INTS6L: variants seen among roughly 807,000 people sequenced by gnomAD.
INTS6L encodes integrator complex subunit 6 like.
A neutral mutation model predicts 64.7 loss-of-function variants in INTS6L; 18 were observed. That is an observed-to-expected ratio of 0.28 (90% confidence interval 0.19 to 0.41). The LOEUF is 0.41. Ranked by LOEUF, INTS6L falls within the 10% of genes least tolerant of loss-of-function variation. The pLI is 1.00. For missense variants in INTS6L, 533 were observed against 661.0 expected (o/e 0.81, Z 2.12); for synonymous variants, 227 against 235.9 (o/e 0.96, Z 0.34).
intron 2 of INTS6L, among the ~76,000 whole-genome samples, chrX:135,522,187 G>A (rs1182752880): frequency 8.9e-6 from 1 of 112,177 alleles, no homozygotes; most frequent in Admixed American, 9.4e-5. Context: ...ACACGGAGGG[G>A]GACGTGCCAA....
chrX:135,546,964 T>C (rs2086373848), intron 5 of INTS6L, 79 bp downstream of exon 5: 1 of 1,131,168 alleles, frequency 8.8e-7, no homozygotes, highest in Non-Finnish European at 1.2e-6. Flanking sequence ...ATATCCAGTC[T>C]TTACTTGTTT....
intron 15 of INTS6L, 123 bp downstream of exon 15, chrX:135,577,550 T>C: frequency 4.4e-6 from 3 of 675,187 alleles, no homozygotes; most frequent in Non-Finnish European, 6.6e-6. Context: ...AAGCCATTAC[T>C]AAATCATCTA....
intron 2 of INTS6L, among the ~76,000 whole-genome samples, chrX:135,539,654 A>T (rs1202837782): frequency 8.9e-6 from 1 of 112,247 alleles, no homozygotes; most frequent in Admixed American, 9.4e-5. Context: ...TGCCTTCCTC[A>T]CTAAGTTTAA....
chrX:135,569,493 GT>G, intron 10 of INTS6L, 62 bp downstream of exon 10: 1 of 743,748 alleles, frequency 1.3e-6, no homozygotes, highest in Non-Finnish European at 1.9e-6. Flanking sequence ...CACAAGAAAT[GT>G]TAGTGATCAA....
intron 9 of INTS6L, among the ~76,000 whole-genome samples, chrX:135,557,818 T>C (rs1302757360): frequency 8.9e-6 from 1 of 112,053 alleles, no homozygotes; most frequent in Non-Finnish European, 1.9e-5. Context: ...TAAAAGCTTG[T>C]GCATCAAGGG....
At chrX:135,558,876 C>T (rs1392810099) in intron 9 of INTS6L, among the ~76,000 whole-genome samples, 2 of 107,134 alleles carry the variant, frequency 1.9e-5, no homozygotes, top group Non-Finnish European at 3.9e-5. Context: ...ACCTCCACCT[C>T]CCAGGTTCAA....
At position 135,573,032 on chromosome X, in the gene INTS6L, A is replaced by C. The variant is rs1456433208; in HGVS notation, c.1616A>C (p.Lys539Thr). 8.4e-7 allele frequency: 1 copy of C among 1,189,261 alleles called. No homozygotes were observed. The highest frequency in any genetic ancestry group is 1.8e-5 in the South Asian group (1 of 55,575). ...GGCTTCCAAATTGGGCTCTTAAACA[A>C]GGTAAATTGTGACATAAATAGTTTG... ...FAGFQIGLLN[K>T]DLKPQTYRNA... Residue 539 changes from lysine to threonine, a missense_variant and splice_region_variant, in exon 12 of 18, where the codon AAG (lysine) becomes ACG (threonine). Coordinates refer to ENST00000639893, the MANE Select transcript of INTS6L (RefSeq NM_001351601.3).
intron 2 of INTS6L, among the ~76,000 whole-genome samples, chrX:135,524,651 A>G: frequency 9.0e-6 from 1 of 111,603 alleles, no homozygotes; most frequent in Admixed American, 9.5e-5. Context: ...CTTAATAGGC[A>G]TGCAACTCTT....
At position 135,573,045 on chromosome X, in the gene INTS6L, C is replaced by T. The variant is rs781786531; in HGVS notation, c.1617+12C>T. 6 of 1,162,574 alleles carry T rather than the reference C, an allele frequency of 5.2e-6. No individual in the cohort carries two copies. The East Asian group carries it at 8.9e-5, about 17-fold the overall frequency. ...GGCTCTTAAACAAGGTAAATTGTGA[C>T]ATAAATAGTTTGTATTTGTTTGAAC... is the stretch of plus-strand genomic sequence containing the variant. On this transcript the variant is annotated intron_variant, in intron 12 of 17. Coordinates refer to ENST00000639893, the MANE Select transcript of INTS6L (RefSeq NM_001351601.3).
chrX:135,568,157 A>G (rs962290546), intron 9 of INTS6L, among the ~76,000 whole-genome samples: 1 of 111,500 alleles, frequency 9.0e-6, no homozygotes, highest in Non-Finnish European at 1.9e-5. Context: ...GTATTAGAAA[A>G]ATGTTTTTTT....
chrX:135,556,405 T>C, intron 9 of INTS6L, 105 bp downstream of exon 9: 1 of 773,505 alleles, frequency 1.3e-6, no homozygotes, highest in South Asian at 4.5e-5. Flanking sequence ...CAAATTGATT[T>C]GAAAGGATAG....
rs1477714115 is a variant in INTS6L, at chrX:135,581,425, T to A, written c.2589-103T>A. 4.9e-6 allele frequency: 3 copies of A among 609,632 alleles called. No individual in the cohort carries two copies. The African/African-American group carries it at 6.9e-5, about 14-fold the overall frequency. The allele number at this position is 609,632 out of a possible 1,213,427, so 50.2% of individuals were successfully genotyped here. On this transcript the variant is annotated intron_variant, in intron 17 of 17. Coordinates refer to ENST00000639893, the MANE Select transcript of INTS6L (RefSeq NM_001351601.3). Reference sequence around the variant, plus strand: ...CTTTCCATGAGGACAATCTTTATATTCCTATGTAGATTGTAAGCTTCGATT... The same window carrying A: ...CTTTCCATGAGGACAATCTTTATATACCTATGTAGATTGTAAGCTTCGATT...
intron 2 of INTS6L, among the ~76,000 whole-genome samples, chrX:135,528,528 A>G (rs1330119519): frequency 9.0e-6 from 1 of 111,266 alleles, no homozygotes; most frequent in African/African-American, 3.3e-5. Context: ...ACTCCTATTC[A>G]TAGATTGGCT....
rs199804250 is a variant in INTS6L, at chrX:135,569,229, AT to A, written c.1193-107del. 6.7e-3 allele frequency: 2,677 copies of A among 399,474 alleles called. 49 individuals carry two copies. Among genetic ancestry groups the A allele is most frequent in the African/African-American group, 0.062 (2,398 of 38,919 alleles). The allele number at this position is 399,474 out of a possible 1,213,427, so 32.9% of individuals were successfully genotyped here. ...AAAAAAGATAATCAAATAAACGCCA[AT>A]GAAATTTTCATCTACATTAAAAGCT... is the stretch of plus-strand genomic sequence containing the variant. On this transcript the variant is annotated intron_variant, in intron 9 of 17. Coordinates refer to ENST00000639893, the MANE Select transcript of INTS6L (RefSeq NM_001351601.3).
At chrX:135,556,455 G>T (rs782541861) in intron 9 of INTS6L, among the ~76,000 whole-genome samples, 155 bp downstream of exon 9, 24 of 111,820 alleles carry the variant, frequency 2.1e-4, no homozygotes, top group African/African-American at 7.5e-4. Context: ...TTTTCTTTTT[G>T]TTGTTTTTAC....
intron 9 of INTS6L, among the ~76,000 whole-genome samples, chrX:135,560,378 ATTC>A (rs2086756128): frequency 8.9e-6 from 1 of 111,941 alleles, no homozygotes; most frequent in African/African-American, 3.2e-5. Flanking sequence ...TACCTTTTCT[ATTC>A]TTATCTTTAT....
intron 2 of INTS6L, among the ~76,000 whole-genome samples, chrX:135,542,220 G>A (rs1201472233): frequency 9.0e-6 from 1 of 111,572 alleles, no homozygotes. Flanking sequence ...TATTTGGGCC[G>A]GGCGCAGTGG....
chrX:135,552,121 G>A lies in INTS6L; in HGVS notation c.1034G>A (p.Arg345Gln), dbSNP rs2086522894. Reference sequence around the variant, plus strand: ...CCCTTAACTCAGTATATCTTGGAACGAAAGTCTCCCCATACCTGCTGGCAG... The same window carrying A: ...CCCTTAACTCAGTATATCTTGGAACAAAAGTCTCCCCATACCTGCTGGCAG... The part of the protein sequence containing the change: ...PSPLTQYILE[R>Q]KSPHTCWQVF... Residue 345 changes from arginine (R) to glutamine (Q), a missense_variant, in exon 8 of 18, where the codon CGA (arginine) becomes CAA (glutamine). Transcript: ENST00000639893. 5.0e-6 allele frequency: 6 copies of A among 1,201,574 alleles called. No homozygotes were observed. Among genetic ancestry groups the A allele is most frequent in the East Asian group, 3.0e-5 (1 of 33,608 alleles).
At chrX:135,532,197 A>G (rs1394554126) in intron 2 of INTS6L, among the ~76,000 whole-genome samples, 1 of 112,291 alleles carries the variant, frequency 8.9e-6, no homozygotes, top group East Asian at 2.8e-4. Context: ...ATAACTAGAC[A>G]GTGGACAATA....
Sources: allele counts gnomAD v4.1 joint callset (sites outside exome capture counted in the v4.1 genomes callset), GRCh38; gene constraint gnomAD v4.1.1; transcripts MANE v1.5; gene names NCBI Gene and HGNC (gene_info 2026-07-23, HGNC 2026-07-21).